The following HMCN1 variants were observed in gnomAD, a reference collection of about 807,000 sequenced individuals.
HMCN1 encodes the protein hemicentin-1.
In HMCN1, 321 loss-of-function variants were observed where a neutral mutation model predicts 625.9. The observed-to-expected ratio is 0.51, with a 90% CI of 0.47 to 0.56. HMCN1 has a LOEUF of 0.56. Ranked by LOEUF, HMCN1 falls within the 20% of genes least tolerant of loss-of-function variation. The pLI is 0.00. For missense variants in HMCN1, 6,588 were observed against 6,887.3 expected, an observed-to-expected ratio of 0.96 and a Z score of 1.54; for synonymous variants, 2,425 against 2,417.6, an observed-to-expected ratio of 1.00 and a Z score of -0.09.
At chr1:185,893,292 C>T (rs1665256661) in intron 4 of HMCN1, among the ~76,000 whole-genome samples, 1 of 152,182 alleles carries the variant, frequency 6.6e-6, no homozygotes, top group Non-Finnish European at 1.5e-5. Context: ...AGGCTGGGAG[C>T]TGTAGACTGG....
At chr1:186,012,844 C>T (rs1410211493) in intron 30 of HMCN1, among the ~76,000 whole-genome samples, 4 of 152,048 alleles carry the variant, frequency 2.6e-5, no homozygotes, top group Admixed American at 1.3e-4. Context: ...ATTGTGGTGG[C>T]TGCTTAGTCT....
intron 1 of HMCN1, among the ~76,000 whole-genome samples, chr1:185,833,298 CT>C (rs1660978833): frequency 6.6e-6 from 1 of 152,052 alleles, no homozygotes; most frequent in African/African-American, 2.4e-5. Context: ...ACATATTCAG[CT>C]TTTTTATACT....
rs777488942 is a variant in HMCN1 at position 186,095,237 on chromosome 1, A to C, written c.10295-6A>C. 1 of 1,613,630 alleles carries C rather than the reference A, an allele frequency of 6.2e-7. No homozygotes were observed. Among genetic ancestry groups the C allele is most frequent in the Non-Finnish European group, 8.5e-7 (1 of 1,179,722 alleles). On this transcript the variant is annotated splice_polypyrimidine_tract_variant and splice_region_variant and intron_variant, in intron 67 of 106. Transcript: ENST00000271588. ...CCAAATTTTGCCCATGTTGTTTTCT[A>C]TGTAGCACCACCAAATATGGACAAT...
intron 1 of HMCN1, among the ~76,000 whole-genome samples, chr1:185,780,953 A>T (rs530533182): frequency 4.6e-5 from 7 of 152,292 alleles, no homozygotes; most frequent in African/African-American, 1.7e-4. Flanking sequence ...CTCTGGTAGA[A>T]TTCAGCTGTG....
chr1:185,922,314 G>C, intron 6 of HMCN1, 65 bp from the exon 7 acceptor site: 1 of 1,586,506 alleles, frequency 6.3e-7, no homozygotes, highest in Non-Finnish European at 8.6e-7. Flanking sequence ...CCATACTGGC[G>C]AGGGTTGCAT....
At chr1:185,968,233 A>G (rs894447544) in intron 14 of HMCN1, among the ~76,000 whole-genome samples, 1 of 152,060 alleles carries the variant, frequency 6.6e-6, no homozygotes, top group Non-Finnish European at 1.5e-5. Context: ...TCTGGAGGCT[A>G]TGTGATGTGT....
rs1176980153 is a variant in HMCN1 at position 186,060,066 on chromosome 1, A to C, written c.7313-1785A>C. On this transcript the variant is annotated intron_variant, in intron 46 of 106. Coordinates refer to ENST00000271588, the MANE Select transcript of HMCN1 (RefSeq NM_031935.3). ...AGCATTTTTACTTTTTAAGTAAACA[A>C]AATTTCTGTTTACTTAAATTCAATT... 1.3e-5 allele frequency among the ~76,000 whole-genome samples: 2 copies of C among 152,058 alleles called. 1 individual carries two copies. The highest frequency in any genetic ancestry group is 1.3e-4 in the Admixed American group (2 of 15,226).
Position 185,751,597 on chromosome 1 carries a change from G to C in HMCN1, c.268+16550G>C, listed in dbSNP as rs188383277. 7.4e-4 allele frequency among the ~76,000 whole-genome samples: 113 copies of C among 151,904 alleles called. 1 individual carries two copies. Among genetic ancestry groups the C allele is most frequent in the South Asian group, 4.2e-4 (2 of 4,788 alleles). On this transcript the variant is annotated intron_variant, in intron 1 of 106. Transcript: ENST00000271588. ...CTTTCAGATATTTCCTCTCCTTACT[G>C]TCTGTAATCTCCCCTTCATAAAACC...
At position 186,056,339 on chromosome 1, in the gene HMCN1, T is replaced by C. The variant is rs147911438; in HGVS notation, c.7144+665T>C. On this transcript the variant is annotated intron_variant, in intron 45 of 106. Transcript: ENST00000271588. ...ATCACAACACAAAAGGGAAGATGAA[T>C]TAATCTTAAGTTCTTTTTGTTGGAT... 4.8e-3 allele frequency among the ~76,000 whole-genome samples: 729 copies of C among 152,126 alleles called. 27 individuals carry two copies. Among genetic ancestry groups the C allele is most frequent in the Admixed American group, 0.038 (575 of 15,226 alleles).
intron 91 of HMCN1, among the ~76,000 whole-genome samples, chr1:186,145,171 C>T (rs1650232777): frequency 6.6e-6 from 1 of 152,220 alleles, no homozygotes; most frequent in Admixed American, 6.5e-5. Context: ...TTTTAAGACT[C>T]AATAAATGTA....
intron 1 of HMCN1, among the ~76,000 whole-genome samples, chr1:185,831,823 A>C (rs745687739): frequency 1.1e-4 from 16 of 152,240 alleles, no homozygotes; most frequent in Non-Finnish European, 2.1e-4. Context: ...GGAAAAAAAT[A>C]AAACCTTAAA....
rs180714641 is a variant in HMCN1 at position 185,868,673 on chromosome 1, G to A, written c.621+2810G>A. 8.2e-4 allele frequency among the ~76,000 whole-genome samples: 125 copies of A among 152,074 alleles called. 1 individual carries two copies. Among genetic ancestry groups the A allele is most frequent in the South Asian group, 6.2e-4 (3 of 4,808 alleles). On this transcript the variant is annotated intron_variant, in intron 4 of 106. Transcript: ENST00000271588. ...TTCATTTATTAATTACCCAGTCTTC[G>A]GCAATTCTTTATAGCTGCATGAGAA...
intron 1 of HMCN1, among the ~76,000 whole-genome samples, chr1:185,741,601 A>G (rs1427912169): frequency 1.3e-5 from 2 of 152,212 alleles, no homozygotes; most frequent in Non-Finnish European, 2.9e-5. Context: ...GCAATCAGAG[A>G]GATGAGGATG....
In HMCN1 at chr1:186,122,993, C is replaced by T; in HGVS notation, c.12272C>T (p.Ala4091Val). ...ISPHLKEYVI[A>V]VDKPITLSCE... ...CCTCATCTAAAGGAATATGTTATTG[C>T]TGTGGACAAGCCCATCACGTTATCC... Residue 4091 changes from alanine (A) to valine (V), a missense_variant, in exon 81 of 107, where the codon GCT becomes GTT. This residue lies in a region of HMCN1 where 1,954 missense variants were observed against 2,013.1 expected (regional missense o/e 0.97). Transcript: ENST00000271588. 1 of 1,614,030 alleles carries T rather than the reference C, an allele frequency of 6.2e-7. No homozygotes were observed.
intron 1 of HMCN1, among the ~76,000 whole-genome samples, chr1:185,838,928 A>G (rs1031433125): frequency 4.2e-4 from 64 of 152,358 alleles, no homozygotes; most frequent in African/African-American, 1.5e-3. Context: ...ATACACACAG[A>G]CATCTATCAT....
chr1:185,785,844 G>A (rs896008041), intron 1 of HMCN1, among the ~76,000 whole-genome samples: 5 of 152,168 alleles, frequency 3.3e-5, no homozygotes, highest in Admixed American at 3.3e-4. Context: ...TTTCTTTAGT[G>A]GGATATTTTA....
Position 185,734,620 on chromosome 1 carries a change from G to C in HMCN1, c.-160G>C. 1.4e-6 allele frequency: 1 copy of C among 700,426 alleles called. No homozygotes were observed. The highest frequency in any genetic ancestry group is 1.7e-5 in the South Asian group (1 of 59,876). 43.4% of individuals were successfully genotyped at this position (700,426 alleles called of 1,614,324 possible). A position where few individuals can be genotyped will look rare whatever the true frequency, so the allele number is the denominator to read the frequency against. On this transcript the variant is annotated 5_prime_UTR_variant, in exon 1 of 107. Transcript: ENST00000271588. ...ACCCCTGGAGGGATTCGAGTTTGGT[G>C]CTTGTCCCCGTCTGATTCTCAGCGC...
chr1:186,038,116 T>C, intron 37 of HMCN1, 81 bp downstream of exon 37: 1 of 819,646 alleles, frequency 1.2e-6, no homozygotes, highest in South Asian at 1.4e-5. Flanking sequence ...CATAATATAC[T>C]AATTACTAGT....
intron 1 of HMCN1, among the ~76,000 whole-genome samples, chr1:185,758,211 C>G (rs1655258029): frequency 6.6e-6 from 1 of 152,182 alleles, no homozygotes; most frequent in African/African-American, 2.4e-5. Flanking sequence ...AATGAATTCA[C>G]TCTTTATTCA....
Sources: gnomAD v4.1 joint callset for allele counts (sites outside exome capture counted in the v4.1 genomes callset) on GRCh38, gnomAD v4.1.1 for gene constraint, gnomAD v4.1.1 regional missense constraint, MANE v1.5 for transcripts, NCBI Gene and HGNC (gene_info 2026-07-23, HGNC 2026-07-21) for gene names.